ATP13A5: variants seen among roughly 807,000 people sequenced by gnomAD.
The protein encoded by ATP13A5 is ATPase 13A5.
Under a neutral mutation model 150.2 loss-of-function variants are expected in ATP13A5, and 149 were observed. That is an observed-to-expected ratio of 0.99 (90% CI 0.87 to 1.14). ATP13A5 has a LOEUF of 1.14. Among genes scored for constraint, ATP13A5 ranks in the 50% most tolerant of loss-of-function variants. The pLI, the probability that ATP13A5 is intolerant of heterozygous loss-of-function variation, is 0.00. For missense variants in ATP13A5, 1,383 were observed against 1,449.3 expected (o/e 0.95, Z 0.74); for synonymous variants, 497 against 522.2 (o/e 0.95, Z 0.66).
intron 21 of ATP13A5, among the ~76,000 whole-genome samples, chr3:193,307,588 G>C (rs1440501433): frequency 9.2e-5 from 14 of 152,292 alleles, no homozygotes; most frequent in African/African-American, 2.9e-4. Context: ...ACATTGAAAT[G>C]GTAGTGATAT....
At chr3:193,275,642 C>G (rs1235608671) in intron 29 of ATP13A5, among the ~76,000 whole-genome samples, 1 of 152,166 alleles carries the variant, frequency 6.6e-6, no homozygotes, top group Non-Finnish European at 1.5e-5. Flanking sequence ...CACCATTAGC[C>G]TTGCTACCTG....
intron 25 of ATP13A5, among the ~76,000 whole-genome samples, chr3:193,294,186 AAAG>A (rs1409399684): frequency 1.3e-5 from 2 of 152,032 alleles, no homozygotes; most frequent in Non-Finnish European, 2.9e-5. Flanking sequence ...GTAAGAATGG[AAAG>A]AAGAAGAGAC....
At chr3:193,285,784 C>T (rs1245829846) in intron 26 of ATP13A5, among the ~76,000 whole-genome samples, 1 of 152,144 alleles carries the variant, frequency 6.6e-6, no homozygotes, top group East Asian at 1.9e-4. Flanking sequence ...ATATAACATC[C>T]GTCCTTCAAA....
intron 6 of ATP13A5, among the ~76,000 whole-genome samples, chr3:193,352,673 G>A (rs117599790): frequency 0.011 from 1,666 of 152,186 alleles, 69 homozygotes; most frequent in Admixed American, 0.078. Context: ...GAGGCAGGAC[G>A]TATATGGGAA....
rs944136196 is a variant in ATP13A5, at chr3:193,274,828, A to G, written c.*214T>C. On this transcript the variant is annotated 3_prime_UTR_variant, in exon 30 of 30. Coordinates refer to ENST00000342358, the MANE Select transcript of ATP13A5 (RefSeq NM_198505.4). Reference sequence around the variant, plus strand: ...AATACAGTTTATTGAAAAGGATGATACAGGAAATGCATTTTTTTCTCTCAT... The same window carrying G: ...AATACAGTTTATTGAAAAGGATGATGCAGGAAATGCATTTTTTTCTCTCAT... 1.6e-6 allele frequency: 1 copy of G among 625,574 alleles called. No individual in the cohort carries two copies. Among genetic ancestry groups the G allele is most frequent in the Non-Finnish European group, 2.7e-6 (1 of 364,010 alleles). 38.8% of individuals were successfully genotyped at this position (625,574 alleles called of 1,614,324 possible). A position where few individuals can be genotyped will look rare whatever the true frequency, so the allele number is the denominator to read the frequency against.
intron 20 of ATP13A5, 102 bp from the exon 21 acceptor site, chr3:193,310,819 C>G: frequency 1.3e-6 from 1 of 772,218 alleles, no homozygotes; most frequent in Admixed American, 2.7e-5. Flanking sequence ...TAATTTAATA[C>G]AGCATTGGAT....
At chr3:193,287,584 A>T (rs560314290) in intron 26 of ATP13A5, among the ~76,000 whole-genome samples, 37 of 152,110 alleles carry the variant, frequency 2.4e-4, no homozygotes, top group Non-Finnish European at 4.7e-4. Context: ...GTTCAGACCT[A>T]CTGCTCAGAA....
rs866867086 is a variant in ATP13A5, at chr3:193,358,432, C to G, written c.536+3949G>C. Among the ~76,000 whole-genome samples the G allele has an allele frequency of 4.6e-5, 7 of 152,180 alleles. 1 individual carries two copies. Among genetic ancestry groups the G allele is most frequent in the African/African-American group, 1.7e-4 (7 of 41,446 alleles). On this transcript the variant is annotated intron_variant, in intron 5 of 29. Coordinates refer to ENST00000342358, the MANE Select transcript of ATP13A5 (RefSeq NM_198505.4). The stretch of plus-strand genomic sequence containing the variant: ...GTGGTTGTATAGCACAACAAGAGTG[C>G]TGGCCTTCGAGCCCTTCCATTAAAA...
intron 24 of ATP13A5, 115 bp downstream of exon 24, chr3:193,301,096 T>A: frequency 1.1e-6 from 1 of 917,104 alleles, no homozygotes. Context: ...ACACCTATTT[T>A]GAGAAATGTC....
At chr3:193,283,941 C>T (rs1031011713) in intron 27 of ATP13A5, among the ~76,000 whole-genome samples, 9 of 150,882 alleles carry the variant, frequency 6.0e-5, no homozygotes, top group Non-Finnish European at 1.0e-4. Context: ...TCTCACTTCA[C>T]TCCTAAAGAG....
rs1319164711 is a variant in ATP13A5, at chr3:193,322,484, A to T, written c.1758+7T>A. On this transcript the variant is annotated splice_region_variant and intron_variant, in intron 15 of 29. Coordinates refer to ENST00000342358, the MANE Select transcript of ATP13A5 (RefSeq NM_198505.4). ...AGAGCTATGTGATGTAAAGAAGGAA[A>T]TCATACCTTACTGGCTTTTGGTCCT... 1.8e-5 allele frequency: 29 copies of T among 1,608,046 alleles called. No individual in the cohort carries two copies. Among genetic ancestry groups the T allele is most frequent in the Non-Finnish European group, 2.3e-5 (27 of 1,174,912 alleles).
At chr3:193,366,954 G>A (rs1260448543) in intron 1 of ATP13A5, among the ~76,000 whole-genome samples, 2 of 151,908 alleles carry the variant, frequency 1.3e-5, no homozygotes, top group Non-Finnish European at 2.9e-5. Context: ...ACACAGGTAA[G>A]TCAAATAAAA....
chr3:193,282,367 C>T (rs984325538), intron 27 of ATP13A5, among the ~76,000 whole-genome samples: 2 of 151,640 alleles, frequency 1.3e-5, no homozygotes, highest in Admixed American at 1.3e-4. Flanking sequence ...ATATAAAATA[C>T]AAAGGATTAG....
In ATP13A5 at chr3:193,376,197, G is replaced by A. The variant is rs183715316; in HGVS notation, c.63+2466C>T. On this transcript the variant is annotated intron_variant, in intron 1 of 29. Coordinates refer to ENST00000342358, the MANE Select transcript of ATP13A5 (RefSeq NM_198505.4). ...AAAAGTCAGATTTCTGGCTTCCCTC[G>A]ATTTATTTATTTTTTACCTTTTAGA... 2.4e-3 allele frequency among the ~76,000 whole-genome samples: 365 copies of A among 152,200 alleles called. 1 individual carries two copies. Among genetic ancestry groups the A allele is most frequent in the Non-Finnish European group, 4.6e-3 (312 of 68,006 alleles).
intron 17 of ATP13A5, 90 bp from the exon 18 acceptor site, chr3:193,315,186 T>C (rs903940205): frequency 1.4e-5 from 19 of 1,328,088 alleles, no homozygotes; most frequent in Non-Finnish European, 1.9e-5. Flanking sequence ...TTATAAGTTT[T>C]ATTAATGCAA....
intron 27 of ATP13A5, among the ~76,000 whole-genome samples, chr3:193,280,694 G>A (rs192453404): frequency 2.6e-4 from 40 of 152,144 alleles, no homozygotes; most frequent in African/African-American, 9.4e-4. Flanking sequence ...CTTTAGCAGA[G>A]CACTTTAGAG....
intron 25 of ATP13A5, among the ~76,000 whole-genome samples, chr3:193,296,684 T>C (rs1264367316): frequency 2.6e-5 from 4 of 152,120 alleles, no homozygotes; most frequent in Non-Finnish European, 5.9e-5. Context: ...TTTTTTTGTT[T>C]CATATGAATT....
intron 23 of ATP13A5, among the ~76,000 whole-genome samples, chr3:193,301,966 C>G (rs1459611810): frequency 6.6e-6 from 1 of 152,096 alleles, no homozygotes; most frequent in Non-Finnish European, 1.5e-5. Context: ...AAAATTCGGT[C>G]TTAGCTATTA....
intron 25 of ATP13A5, among the ~76,000 whole-genome samples, chr3:193,293,348 C>T (rs1718041398): frequency 6.6e-6 from 1 of 152,236 alleles, no homozygotes; most frequent in South Asian, 2.1e-4. Flanking sequence ...GGAATACTAA[C>T]TTCTGAAGTG....
Sources: gnomAD v4.1 joint callset for allele counts (sites outside exome capture counted in the v4.1 genomes callset) on GRCh38, gnomAD v4.1.1 for gene constraint, MANE v1.5 for transcripts, NCBI Gene and HGNC (gene_info 2026-07-23, HGNC 2026-07-21) for gene names.